Variants in ADAM12 observed in about 807,000 individuals in gnomAD.
The protein encoded by ADAM12 is disintegrin and metalloproteinase domain-containing protein 12.
A neutral mutation model predicts 106.4 loss-of-function variants in ADAM12; 70 were observed. The observed-to-expected ratio is 0.66, with a 90% confidence interval of 0.54 to 0.80. The LOEUF (loss-of-function observed/expected upper bound fraction) is 0.80, where lower values mean the gene tolerates loss of function less well. Ranked by LOEUF, ADAM12 falls within the 30% of genes least tolerant of loss-of-function variation. The pLI is 0.00. For synonymous variants in ADAM12, 420 were observed against 433.5 expected, an observed-to-expected ratio of 0.97 and a Z score of 0.39; for missense variants, 1,010 against 1,171.9, an observed-to-expected ratio of 0.86 and a Z score of 2.02.
In ADAM12 at chr10:126,307,390, G is replaced by A. The variant is rs557613033; in HGVS notation, c.186+23022C>T. 6.6e-5 allele frequency among the ~76,000 whole-genome samples: 10 copies of A among 152,066 alleles called. No homozygotes were observed. The South Asian group carries it at 1.9e-3, about 28-fold the overall frequency. On this transcript the variant is annotated intron_variant, in intron 2 of 22. Transcript: ENST00000448723. ...TTTTTTTGAGATGGAGTCTTGCTCT[G>A]TCACCCAGGCTGGAGTGCAATGGCA...
chr10:126,019,560 T>C (rs1181873628), intron 22 of ADAM12, 135 bp downstream of exon 22: 9 of 1,168,396 alleles, frequency 7.7e-6, no homozygotes, highest in Non-Finnish European at 1.1e-5. Context: ...ATGTCTATTT[T>C]ACGGTATTCC....
intron 3 of ADAM12, among the ~76,000 whole-genome samples, chr10:126,247,700 G>A (rs1241220477): frequency 6.6e-6 from 1 of 152,166 alleles, no homozygotes; most frequent in Non-Finnish European, 1.5e-5. Flanking sequence ...CTGTTATCTA[G>A]TTTTTGGTAA....
rs1316885587 is a variant in ADAM12 at position 126,049,999 on chromosome 10, GCT to G, written c.1610-332_1610-331del. Among the ~76,000 whole-genome samples the G allele has an allele frequency of 3.2e-5, 1 of 31,592 alleles. No individual in the cohort carries two copies. Among genetic ancestry groups the G allele is most frequent in the Admixed American group, 3.5e-4 (1 of 2,888 alleles). 20.7% of individuals were successfully genotyped at this position (31,592 alleles called of 152,430 possible). A position where few individuals can be genotyped will look rare whatever the true frequency, so the allele number is the denominator to read the frequency against. The stretch of plus-strand genomic sequence containing the variant: ...AGGGCAGAAAGGAGGTGGCTGGCTG[GCT>G]GGCTGGCTGGCTGGCTGGCTGGCTG... On this transcript the variant is annotated intron_variant, in intron 14 of 22. Transcript: ENST00000448723. The surrounding 1 kb of genome is among the most constrained non-coding windows in gnomAD (Gnocchi z 4.4).
In ADAM12 at chr10:126,039,987, TG is replaced by T. The variant is rs1370985270; in HGVS notation, c.2105-559del. On this transcript the variant is annotated intron_variant, in intron 18 of 22. Transcript: ENST00000448723. ...ATTTAAATGAAACACCCATGGGTTT[TG>T]CTTTGTTATGTTGGGGACTTAAAAA... Among the ~76,000 whole-genome samples the T allele has an allele frequency of 3.9e-5, 6 of 152,376 alleles. No homozygotes were observed. In the South Asian group the frequency reaches 1.2e-3, roughly 32 times the overall value.
intron 3 of ADAM12, among the ~76,000 whole-genome samples, chr10:126,217,912 T>C (rs1159118609): frequency 6.6e-6 from 1 of 150,760 alleles, no homozygotes. Context: ...GAGGTAGAGG[T>C]TGTAGTGAGC....
At chr10:126,352,088 G>A (rs1049585664) in intron 1 of ADAM12, among the ~76,000 whole-genome samples, 8 of 152,118 alleles carry the variant, frequency 5.3e-5, no homozygotes, top group Non-Finnish European at 7.3e-5. Flanking sequence ...TGTCCTCGGC[G>A]GTGCTGACAC....
At chr10:126,268,755 A>C (rs1959150383) in intron 3 of ADAM12, among the ~76,000 whole-genome samples, 1 of 152,212 alleles carries the variant, frequency 6.6e-6, no homozygotes, top group African/African-American at 2.4e-5. Context: ...ACACTTCTGA[A>C]AACAGTAATC....
chr10:126,189,584 T>C (rs1224296945), intron 3 of ADAM12, among the ~76,000 whole-genome samples: 1 of 152,172 alleles, frequency 6.6e-6, no homozygotes, highest in Non-Finnish European at 1.5e-5. Flanking sequence ...CATTGCCATG[T>C]TTATGCCTCA....
chr10:126,155,227 C>G lies in ADAM12; in HGVS notation c.339G>C (p.Thr113=). ...GGTGATCCCAACGTGCCAGAATTAC[C>G]GTGTAATTTCGAGCGAGGGAGACAT... The part of the protein sequence containing the change: ...GTDVSLARNY[T]GHCYYHGHVR... The change falls in exon 4 of 23, where the codon ACG becomes ACC. Residue 113 remains threonine, a splice_region_variant and synonymous_variant. Coordinates refer to ENST00000448723, the MANE Select transcript of ADAM12 (RefSeq NM_001288973.2). 6.2e-7 allele frequency: 1 copy of G among 1,613,692 alleles called. No homozygotes were observed. The highest frequency in any genetic ancestry group is 8.5e-7 in the Non-Finnish European group (1 of 1,179,738).
intron 3 of ADAM12, among the ~76,000 whole-genome samples, chr10:126,161,712 T>A (rs1956938812): frequency 6.6e-6 from 1 of 152,138 alleles, no homozygotes; most frequent in Admixed American, 6.5e-5. Flanking sequence ...TTCTAAGATG[T>A]GTGCCTAATT....
chr10:126,239,845 GA>G (rs1219889477), intron 3 of ADAM12, among the ~76,000 whole-genome samples: 1 of 152,186 alleles, frequency 6.6e-6, no homozygotes, highest in Non-Finnish European at 1.5e-5. Context: ...CTTTCTAAAG[GA>G]AGGCCAGCAT....
intron 3 of ADAM12, among the ~76,000 whole-genome samples, chr10:126,203,930 G>A (rs535386325): frequency 2.5e-3 from 212 of 86,462 alleles, no homozygotes; most frequent in African/African-American, 3.3e-3. Flanking sequence ...GAGTGAGTGC[G>A]CGCGCGCGCG....
At chr10:126,087,875 A>G (rs1014168671) in intron 11 of ADAM12, among the ~76,000 whole-genome samples, 7 of 152,094 alleles carry the variant, frequency 4.6e-5, no homozygotes, top group African/African-American at 1.4e-4. Context: ...TCAGGCAGAA[A>G]TCTCTTCCAA....
intron 3 of ADAM12, among the ~76,000 whole-genome samples, chr10:126,259,938 G>T (rs1958967513): frequency 1.3e-5 from 2 of 152,190 alleles, no homozygotes; most frequent in South Asian, 4.1e-4. Context: ...TGTCACATGG[G>T]AGTTTGGTCA....
At chr10:126,353,279 T>C (rs930184965) in intron 1 of ADAM12, among the ~76,000 whole-genome samples, 1 of 152,064 alleles carries the variant, frequency 6.6e-6, no homozygotes, top group Non-Finnish European at 1.5e-5. Context: ...GTCCTTGAGG[T>C]TGGAATCAAA....
intron 22 of ADAM12, among the ~76,000 whole-genome samples, chr10:126,018,360 A>T (rs1953698195): frequency 4.6e-5 from 7 of 152,220 alleles, no homozygotes; most frequent in Admixed American, 4.6e-4. Context: ...GGGGCAGGAA[A>T]GCCTGATTTG....
At position 126,034,999 on chromosome 10, in the gene ADAM12, T is replaced by C. The variant is rs565949011; in HGVS notation, c.2529+1147A>G. ...GCAAACAACAGAGCTTCAAAATACA[T>C]GAAGCAAAAACTGATGAACTCAAAG... On this transcript the variant is annotated intron_variant, in intron 21 of 22. Coordinates refer to ENST00000448723, the MANE Select transcript of ADAM12 (RefSeq NM_001288973.2). Among the ~76,000 whole-genome samples, 4 of 152,194 alleles carry C rather than the reference T, an allele frequency of 2.6e-5. No homozygotes were observed. The East Asian group carries it at 7.7e-4, about 29-fold the overall frequency.
chr10:126,065,939 C>G (rs915566087), intron 13 of ADAM12, among the ~76,000 whole-genome samples: 2 of 152,134 alleles, frequency 1.3e-5, no homozygotes, highest in African/African-American at 4.8e-5. Context: ...AGAAGTTAAT[C>G]AGCATTAGGA....
At chr10:126,343,716 C>G (rs1855024832) in intron 1 of ADAM12, among the ~76,000 whole-genome samples, 1 of 152,200 alleles carries the variant, frequency 6.6e-6, no homozygotes, top group Admixed American at 6.5e-5. Flanking sequence ...TTAATGATCA[C>G]CATTCTAACT....
Sources: allele counts gnomAD v4.1 joint callset (sites outside exome capture counted in the v4.1 genomes callset), GRCh38; gene constraint gnomAD v4.1.1; non-coding constraint Gnocchi (gnomAD v3.1); transcripts MANE v1.5; gene names NCBI Gene and HGNC (gene_info 2026-07-23, HGNC 2026-07-21).